The following NELL1 variants were observed in gnomAD, a reference collection of about 807,000 sequenced individuals.
The protein encoded by NELL1 is neural EGFL like 1.
Under a neutral mutation model 107.4 loss-of-function variants are expected in NELL1, and 76 were observed. The ratio of observed to expected loss-of-function variants is 0.71; its 90% confidence interval spans 0.59 to 0.86. The LOEUF is 0.86. Ranked by LOEUF, NELL1 falls within the 40% of genes least tolerant of loss-of-function variation. The probability of loss-of-function intolerance (pLI) is 0.00; values close to 1 mark genes in which losing one functional copy is unlikely to be tolerated. For missense variants in NELL1, 1,024 were observed against 1,005.5 expected (o/e 1.02, Z -0.25); for synonymous variants, 353 against 341.2 (o/e 1.03, Z -0.38).
In NELL1 at chr11:21,315,049, G is replaced by A. The variant is rs564611267; in HGVS notation, c.1550-55804G>A. 7.2e-5 allele frequency among the ~76,000 whole-genome samples: 11 copies of A among 152,160 alleles called. No individual in the cohort carries two copies. In the East Asian group the frequency reaches 7.8e-4, roughly 11 times the overall value. The stretch of plus-strand genomic sequence containing the variant: ...TTTTTGTATTTTTAGTAGAGTTGGC[G>A]TGTCTCCATGTTGGCCAGGCAGGTC... On this transcript the variant is annotated intron_variant, in intron 14 of 19. Coordinates refer to ENST00000357134, the MANE Select transcript of NELL1 (RefSeq NM_006157.5).
At chr11:20,836,588 G>A (rs990180456) in intron 3 of NELL1, among the ~76,000 whole-genome samples, 7 of 150,824 alleles carry the variant, frequency 4.6e-5, no homozygotes, top group South Asian at 2.1e-4. Flanking sequence ...AAAAAACAAC[G>A]CATGATTAAG....
At position 21,041,196 on chromosome 11, in the gene NELL1, T is replaced by A. The variant is rs145455673; in HGVS notation, c.1301-72393T>A. On this transcript the variant is annotated intron_variant, in intron 12 of 19. Transcript: ENST00000357134. ...TTGGTGGAAAGTCCAAGCCGCACTA[T>A]CATGTATCACTGCATGACTCTCAGC... Among the ~76,000 whole-genome samples, 739 of 152,304 alleles carry A rather than the reference T, an allele frequency of 4.9e-3. 11 individuals carry two copies. The highest frequency in any genetic ancestry group is 0.017 in the African/African-American group (711 of 41,570).
At chr11:21,305,197 T>G (rs1480333124) in intron 14 of NELL1, among the ~76,000 whole-genome samples, 2 of 152,026 alleles carry the variant, frequency 1.3e-5, no homozygotes, top group African/African-American at 4.8e-5. Flanking sequence ...TATGCTCAAA[T>G]GTATGGTCAA....
At chr11:20,754,031 A>C (rs1554369) in intron 2 of NELL1, among the ~76,000 whole-genome samples, 29,559 of 152,068 alleles carry the variant, frequency 0.19, 3,092 homozygotes, top group South Asian at 0.28. Context: ...GTGTTGATGG[A>C]CCAGACCTGA....
intron 5 of NELL1, among the ~76,000 whole-genome samples, chr11:20,892,495 T>G (rs1849636968): frequency 2.0e-5 from 3 of 152,286 alleles, no homozygotes; most frequent in Middle Eastern, 3.4e-3. Flanking sequence ...GGAATGCAAA[T>G]TAGTTCAACC....
chr11:21,477,444 G>A (rs1854365385), intron 15 of NELL1, among the ~76,000 whole-genome samples: 1 of 152,026 alleles, frequency 6.6e-6, no homozygotes, highest in Non-Finnish European at 1.5e-5. Flanking sequence ...CAAGCAAGGT[G>A]GTACCTCTAT....
intron 12 of NELL1, among the ~76,000 whole-genome samples, chr11:21,098,710 C>A (rs1426781765): frequency 6.6e-6 from 1 of 152,134 alleles, no homozygotes. Flanking sequence ...ATTGATTGAA[C>A]TCTGGCCCAT....
chr11:21,373,607 G>C (rs1043819879), intron 15 of NELL1, among the ~76,000 whole-genome samples: 1 of 152,044 alleles, frequency 6.6e-6, no homozygotes, highest in Non-Finnish European at 1.5e-5. Flanking sequence ...AGTAAAATCA[G>C]TTAAATAATT....
At chr11:20,896,645 T>C (rs915631528) in intron 5 of NELL1, among the ~76,000 whole-genome samples, 8 of 152,196 alleles carry the variant, frequency 5.3e-5, no homozygotes, top group African/African-American at 1.9e-4. Context: ...GACGACATGA[T>C]TGTATATCTA....
chr11:21,495,954 C>T (rs1317167574), intron 15 of NELL1, among the ~76,000 whole-genome samples: 1 of 151,980 alleles, frequency 6.6e-6, no homozygotes, highest in African/African-American at 2.4e-5. Context: ...TGTCTATTAT[C>T]TGTACCAAGT....
chr11:21,365,337 G>A (rs1475724095), intron 14 of NELL1, among the ~76,000 whole-genome samples: 19 of 152,146 alleles, frequency 1.2e-4, no homozygotes. Flanking sequence ...AAGACTCTGG[G>A]CTTGAAACCC....
chr11:21,017,302 G>A (rs1429566746), intron 12 of NELL1, among the ~76,000 whole-genome samples: 1 of 152,096 alleles, frequency 6.6e-6, no homozygotes, highest in Non-Finnish European at 1.5e-5. Flanking sequence ...GTTTGCTGCT[G>A]TAGCTCTAAA....
rs748184393 is a variant in NELL1, at chr11:21,560,253, A to C, written c.1851A>C (p.Ala617=). The change falls in exon 17 of 20, where the codon GCA becomes GCC. Residue 617 remains alanine, a synonymous_variant. Transcript: ENST00000357134. ...ACGATTCTGCCTGCATCAACCTGGC[A>C]GGGGGCTTTGACTGTCTCTGCCCCT... The part of the protein sequence containing the change: ...CWNDSACINL[A]GGFDCLCPSG... The C allele has an allele frequency of 2.5e-6, 4 of 1,613,702 alleles. No homozygotes were observed. Among genetic ancestry groups the C allele is most frequent in the East Asian group, 2.2e-5 (1 of 44,778 alleles).
At chr11:20,777,324 A>G (rs1231562009) in intron 2 of NELL1, among the ~76,000 whole-genome samples, 1 of 152,368 alleles carries the variant, frequency 6.6e-6, no homozygotes, top group African/African-American at 2.4e-5. Flanking sequence ...TTGGCACAGT[A>G]ATAAGATATA....
chr11:20,714,917 AT>A (rs1465125216), intron 2 of NELL1, among the ~76,000 whole-genome samples: 1 of 152,116 alleles, frequency 6.6e-6, no homozygotes, highest in Non-Finnish European at 1.5e-5. Flanking sequence ...TCAGGAAAAT[AT>A]TTCTGCTTTG....
At chr11:20,909,272 A>G (rs1199925105) in intron 5 of NELL1, among the ~76,000 whole-genome samples, 5 of 152,180 alleles carry the variant, frequency 3.3e-5, no homozygotes, top group Admixed American at 6.6e-5. Flanking sequence ...AACACTGTGA[A>G]TGTATTTAAT....
intron 16 of NELL1, among the ~76,000 whole-genome samples, chr11:21,559,462 C>A (rs1297146097): frequency 6.6e-6 from 1 of 152,054 alleles, no homozygotes; most frequent in African/African-American, 2.4e-5. Context: ...TCAGAATCGG[C>A]CGACTGGATT....
At chr11:20,828,461 C>T (rs1485676875) in intron 3 of NELL1, among the ~76,000 whole-genome samples, 1 of 152,176 alleles carries the variant, frequency 6.6e-6, no homozygotes, top group African/African-American at 2.4e-5. Context: ...TTTGTCATTA[C>T]CTTAATGATT....
chr11:20,669,797 G>A lies in NELL1; in HGVS notation c.55+19G>A, dbSNP rs1590192213. 1.2e-6 allele frequency: 2 copies of A among 1,609,134 alleles called. No individual in the cohort carries two copies. Among genetic ancestry groups the A allele is most frequent in the Middle Eastern group, 1.7e-4 (1 of 6,052 alleles). On this transcript the variant is annotated intron_variant, in intron 1 of 19. Coordinates refer to ENST00000357134, the MANE Select transcript of NELL1 (RefSeq NM_006157.5). This position sits in a 1 kb window ranked among gnomAD's most constrained non-coding sequence, Gnocchi z 4.4. ...AGGACAGGTAAGCATGACTGTGGCG[G>A]TTAGAGGGATCCGGGAAATGGGGGT...
Sources: allele counts gnomAD v4.1 joint callset (sites outside exome capture counted in the v4.1 genomes callset), GRCh38; gene constraint gnomAD v4.1.1; non-coding constraint Gnocchi (gnomAD v3.1); transcripts MANE v1.5; gene names NCBI Gene and HGNC (gene_info 2026-07-23, HGNC 2026-07-21).